Variants in ANK3 observed in about 807,000 individuals in gnomAD.
The protein encoded by ANK3 is ankyrin-3.
ANK3 carries 57 observed loss-of-function variants against 370.9 expected under a neutral mutation model. That is an observed-to-expected ratio of 0.15 (90% CI 0.12 to 0.19). The LOEUF (loss-of-function observed/expected upper bound fraction) is 0.19. Among genes scored for constraint, ANK3 ranks in the 10% least tolerant of loss-of-function variants. The probability of loss-of-function intolerance (pLI) is 1.00; values close to 1 mark genes in which losing one functional copy is unlikely to be tolerated. For synonymous variants in ANK3, 1,929 were observed against 1,946.3 expected, an observed-to-expected ratio of 0.99 and a Z score of 0.23; for missense variants, 4,439 against 5,302.1, an observed-to-expected ratio of 0.84 and a Z score of 5.06.
intron 1 of ANK3, among the ~76,000 whole-genome samples, chr10:60,679,817 T>C (rs1239437989): frequency 6.6e-6 from 1 of 152,100 alleles, no homozygotes; most frequent in Non-Finnish European, 1.5e-5. Context: ...CTAAAACTTT[T>C]AAATAAGCTT....
At chr10:60,342,282 G>A (rs2054451206) in intron 1 of ANK3, among the ~76,000 whole-genome samples, 1 of 152,108 alleles carries the variant, frequency 6.6e-6, no homozygotes, top group African/African-American at 2.4e-5. Context: ...TAAGAATTCG[G>A]ATATTGAATC....
chr10:60,041,596 G>A (rs531579626), intron 43 of ANK3, among the ~76,000 whole-genome samples: 4 of 152,310 alleles, frequency 2.6e-5, no homozygotes, highest in Admixed American at 2.6e-4. Context: ...TGAAACACTG[G>A]GAAGAGGATG....
intron 1 of ANK3, among the ~76,000 whole-genome samples, chr10:60,342,366 T>C (rs1399497660): frequency 1.3e-5 from 2 of 152,172 alleles, no homozygotes; most frequent in African/African-American, 2.4e-5. Context: ...TATTATTAGA[T>C]GGCTCTGCTT....
chr10:60,587,631 A>G (rs1432393380), intron 2 of ANK3, among the ~76,000 whole-genome samples: 1 of 152,170 alleles, frequency 6.6e-6, no homozygotes, highest in Admixed American at 6.5e-5. Flanking sequence ...AAAAACAGTA[A>G]TAGATAGAAT....
At chr10:60,618,031 C>T (rs1052552879) in intron 1 of ANK3, among the ~76,000 whole-genome samples, 1 of 152,118 alleles carries the variant, frequency 6.6e-6, no homozygotes, top group Non-Finnish European at 1.5e-5. Flanking sequence ...GTGGAAGCAT[C>T]CCTCAGTTCT....
At position 60,257,800 on chromosome 10, in the gene ANK3, T is replaced by C. The variant is rs143717465; in HGVS notation, c.798+4059A>G. Among the ~76,000 whole-genome samples the C allele has an allele frequency of 2.0e-3, 301 of 152,308 alleles. 2 individuals carry two copies. The highest frequency in any genetic ancestry group is 7.0e-3 in the African/African-American group (289 of 41,562). Reference sequence around the variant, plus strand: ...AATCTTTTTGGAAACAAATGAGGTATAGAATCCAAACACATAAATCCCTAA... The same window carrying C: ...AATCTTTTTGGAAACAAATGAGGTACAGAATCCAAACACATAAATCCCTAA... On this transcript the variant is annotated intron_variant, in intron 7 of 43. Coordinates refer to ENST00000280772, the MANE Select transcript of ANK3 (RefSeq NM_020987.5).
In ANK3 at chr10:60,071,308, A is replaced by T. The variant is rs747133767; in HGVS notation, c.9573T>A (p.Ala3191=). ...FTSKTPDSLI[A]YIPGKPSPIP... ...TTGGGCTGGGTTTGCCTGGTATATA[A>T]GCTATGAGCGAGTCAGGTGTCTTAG... Residue 3191 remains alanine, a synonymous_variant, in exon 37 of 44, where the codon GCT becomes GCA. Coordinates refer to ENST00000280772, the MANE Select transcript of ANK3 (RefSeq NM_020987.5). The T allele has an allele frequency of 3.7e-6, 6 of 1,614,064 alleles. No homozygotes were observed. The Admixed American group carries it at 1.0e-4, about 27-fold the overall frequency.
chr10:60,665,023 G>T (rs892131616), intron 1 of ANK3, among the ~76,000 whole-genome samples: 4 of 152,078 alleles, frequency 2.6e-5, no homozygotes, highest in African/African-American at 9.7e-5. Context: ...ATCCCGAATG[G>T]CCAGCATGCC....
intron 1 of ANK3, among the ~76,000 whole-genome samples, chr10:60,622,323 C>A (rs1818663784): frequency 6.6e-6 from 1 of 151,894 alleles, no homozygotes; most frequent in Admixed American, 6.6e-5. Flanking sequence ...CGGCTCACTG[C>A]AATCTCTGCC....
Position 60,389,603 on chromosome 10 carries a change from A to T in ANK3, c.-65T>A, listed in dbSNP as rs2062920235. The T allele has an allele frequency of 2.5e-6, 4 of 1,593,494 alleles. No homozygotes were observed. Among genetic ancestry groups the T allele is most frequent in the Non-Finnish European group, 3.4e-6 (4 of 1,173,066 alleles). On this transcript the variant is annotated 5_prime_UTR_variant, in exon 1 of 44. Coordinates refer to ENST00000280772, the MANE Select transcript of ANK3 (RefSeq NM_020987.5). ...CTTGTAAAAGGTGATATCCTCAGGC[A>T]CCTCTAATCAGGCTTACAGCAGCAT...
chr10:60,279,362 A>T lies in ANK3; in HGVS notation c.216+176T>A, dbSNP rs2098131317. Among the ~76,000 whole-genome samples the T allele has an allele frequency of 2.0e-5, 3 of 152,210 alleles. No individual in the cohort carries two copies. The South Asian group carries it at 6.2e-4, about 32-fold the overall frequency. On this transcript the variant is annotated intron_variant, in intron 2 of 43. Transcript: ENST00000280772. ...ATTTACTAAATTTTAGAAATTAATTATTAAGGGACATATGCTGACATTTCT... is the reference window on the plus strand; with the variant it reads ...ATTTACTAAATTTTAGAAATTAATTTTTAAGGGACATATGCTGACATTTCT...
At chr10:60,703,762 T>C (rs2079576036) in intron 1 of ANK3, among the ~76,000 whole-genome samples, 1 of 152,204 alleles carries the variant, frequency 6.6e-6, no homozygotes, top group South Asian at 2.1e-4. Flanking sequence ...TCACCCTCTG[T>C]GCACCTCTTC....
chr10:60,582,214 T>A (rs1408378126), intron 2 of ANK3, among the ~76,000 whole-genome samples: 1 of 152,074 alleles, frequency 6.6e-6, no homozygotes, highest in Non-Finnish European at 1.5e-5. Flanking sequence ...GGCACATGTA[T>A]ACCTATGTAA....
At chr10:60,441,080 A>G (rs139552450) in intron 2 of ANK3, among the ~76,000 whole-genome samples, 22 of 152,284 alleles carry the variant, frequency 1.4e-4, no homozygotes, top group African/African-American at 5.1e-4. Context: ...AAGAAACAGA[A>G]GGCAGGAAAA....
intron 1 of ANK3, chr10:60,300,440 AAT>A: frequency 1.6e-6 from 2 of 1,288,136 alleles, no homozygotes; most frequent in Non-Finnish European, 2.0e-6. Flanking sequence ...TGCCTTCGGA[AAT>A]GTAAAGGTTT....
At chr10:60,116,301 C>T (rs1165126164) in intron 25 of ANK3, among the ~76,000 whole-genome samples, 2 of 152,136 alleles carry the variant, frequency 1.3e-5, no homozygotes, top group African/African-American at 4.8e-5. Context: ...TTCTGACCTG[C>T]CCATTGGAAT....
intron 2 of ANK3, among the ~76,000 whole-genome samples, chr10:60,457,563 A>T (rs1411090432): frequency 6.6e-6 from 1 of 152,132 alleles, no homozygotes; most frequent in African/African-American, 2.4e-5. Flanking sequence ...GAACCAAAAA[A>T]GGGGATTCAC....
At chr10:60,033,287 G>T (rs1396077538) in intron 43 of ANK3, among the ~76,000 whole-genome samples, 3 of 151,930 alleles carry the variant, frequency 2.0e-5, no homozygotes, top group Non-Finnish European at 4.4e-5. Context: ...AGGGGAGGGG[G>T]GCGGATCACC....
At position 60,170,094 on chromosome 10, in the gene ANK3, A is replaced by G. The variant is rs143234960; in HGVS notation, c.2478+2214T>C. On this transcript the variant is annotated intron_variant, in intron 21 of 43. Transcript: ENST00000280772. ...GTGCTAGAGGTGTTCTGCTCCTTAC[A>G]TATGAAGTAATTGGGTATTTTAAAC... Among the ~76,000 whole-genome samples the G allele has an allele frequency of 5.2e-3, 786 of 151,600 alleles. 8 individuals carry two copies. Among genetic ancestry groups the G allele is most frequent in the African/African-American group, 0.018 (757 of 41,352 alleles).
Sources: gnomAD v4.1 joint callset for allele counts (sites outside exome capture counted in the v4.1 genomes callset) on GRCh38, gnomAD v4.1.1 for gene constraint, MANE v1.5 for transcripts, NCBI Gene and HGNC (gene_info 2026-07-23, HGNC 2026-07-21) for gene names.